The following SMCHD1 variants were observed in gnomAD, a reference collection of about 807,000 sequenced individuals.
The protein encoded by SMCHD1 is structural maintenance of chromosomes flexible hinge domain-containing protein 1.
Under a neutral mutation model 254.7 loss-of-function variants are expected in SMCHD1, and 78 were observed. That is an observed-to-expected ratio of 0.31 (90% CI 0.26 to 0.37). The LOEUF (loss-of-function observed/expected upper bound fraction) is 0.37. Among genes scored for constraint, SMCHD1 ranks in the 10% least tolerant of loss-of-function variants. The probability of loss-of-function intolerance (pLI) is 1.00; values close to 1 mark genes in which losing one functional copy is unlikely to be tolerated. For synonymous variants in SMCHD1, 766 were observed against 794.9 expected (o/e 0.96, Z 0.61); for missense variants, 1,840 against 2,408.1 (o/e 0.76, Z 4.94).
chr18:2,699,521 T>C (rs954297740), intron 10 of SMCHD1, among the ~76,000 whole-genome samples: 3 of 152,028 alleles, frequency 2.0e-5, no homozygotes, highest in Non-Finnish European at 4.4e-5. Context: ...TTGTATTTTA[T>C]TAGAGACAAG....
rs2143841866 is a variant in SMCHD1 at position 2,673,334 on chromosome 18, A to T, written c.478A>T (p.Ile160Phe). Residue 160 changes from isoleucine (I) to phenylalanine (F), a missense_variant, in exon 4 of 48, where the codon ATT becomes TTT. Around this residue, in one of 9 missense-constraint regions of SMCHD1, gnomAD observed 498 missense variants for 743.5 expected, o/e 0.67. Transcript: ENST00000320876. ...TTCATTGTCTGCTACTTCTCGTAACATTGGGGTTAGAAGAATACAGATCAA... is the reference window on the plus strand; with the variant it reads ...TTCATTGTCTGCTACTTCTCGTAACTTTGGGGTTAGAAGAATACAGATCAA... ...DNSLSATSRN[I>F]GVRRIQIKLL... is the part of the protein sequence containing the mutation. 6.3e-7 allele frequency: 1 copy of T among 1,583,968 alleles called. No homozygotes were observed. The highest frequency in any genetic ancestry group is 1.1e-5 in the South Asian group (1 of 87,532).
chr18:2,795,823 A>G, intron 45 of SMCHD1, 126 bp from the exon 46 acceptor site: 1 of 649,250 alleles, frequency 1.5e-6, no homozygotes. Flanking sequence ...TGAATGTTTT[A>G]TGGCTTTAAA....
intron 16 of SMCHD1, 56 bp from the exon 17 acceptor site, chr18:2,707,751 G>A (rs1026907852): frequency 6.7e-7 from 1 of 1,501,850 alleles, no homozygotes; most frequent in Non-Finnish European, 9.2e-7. Context: ...GGAAGATTTG[G>A]CAGATTCAGC....
chr18:2,749,042 G>A (rs1461449958), intron 30 of SMCHD1, among the ~76,000 whole-genome samples: 1 of 152,150 alleles, frequency 6.6e-6, no homozygotes, highest in Non-Finnish European at 1.5e-5. Flanking sequence ...TTTTAAATGA[G>A]TCTGTTAAAT....
chr18:2,786,421 G>GTGGCTCACACCTGTAATCCC (rs2076241311), intron 45 of SMCHD1, among the ~76,000 whole-genome samples: 1 of 152,156 alleles, frequency 6.6e-6, no homozygotes, highest in African/African-American at 2.4e-5. Flanking sequence ...GCTGGGCTTG[G>GTGGCTCACACCTGTAATCCC]TGGCTCACAC....
intron 21 of SMCHD1, among the ~76,000 whole-genome samples, chr18:2,725,239 T>C (rs2075003655): frequency 1.3e-5 from 2 of 152,046 alleles, no homozygotes; most frequent in Non-Finnish European, 2.9e-5. Context: ...CTCCCCGTTA[T>C]CTATACTTCA....
At chr18:2,774,176 A>C (rs1187118913) in intron 41 of SMCHD1, among the ~76,000 whole-genome samples, 1 of 152,136 alleles carries the variant, frequency 6.6e-6, no homozygotes, top group Non-Finnish European at 1.5e-5. Context: ...TGCCCTTCTA[A>C]ATAGGTTTTA....
chr18:2,681,403 A>AC (rs1476452078), intron 5 of SMCHD1, among the ~76,000 whole-genome samples: 1 of 79,038 alleles, frequency 1.3e-5, no homozygotes, highest in African/African-American at 4.1e-5. Context: ...ACAGAATGAG[A>AC]CCCCATCTCA....
chr18:2,765,004 A>G (rs1385306813), intron 37 of SMCHD1, among the ~76,000 whole-genome samples: 3 of 152,214 alleles, frequency 2.0e-5, no homozygotes, highest in Admixed American at 6.5e-5. Flanking sequence ...CATATTAGCA[A>G]CACTATATGT....
chr18:2,733,400 T>C (rs2075180713), intron 25 of SMCHD1, among the ~76,000 whole-genome samples: 1 of 152,192 alleles, frequency 6.6e-6, no homozygotes, highest in Non-Finnish European at 1.5e-5. Context: ...TATAATAATA[T>C]GGGAGGTTAC....
intron 45 of SMCHD1, among the ~76,000 whole-genome samples, chr18:2,785,857 G>T (rs919978852): frequency 1.3e-5 from 2 of 151,982 alleles, no homozygotes; most frequent in African/African-American, 4.8e-5. Context: ...TACAGAGTTT[G>T]TCCTTTTGTG....
chr18:2,681,877 C>G (rs1395491854), intron 5 of SMCHD1, among the ~76,000 whole-genome samples: 1 of 152,158 alleles, frequency 6.6e-6, no homozygotes, highest in Non-Finnish European at 1.5e-5. Flanking sequence ...AGTAAAAATG[C>G]TACATGACCC....
intron 37 of SMCHD1, among the ~76,000 whole-genome samples, chr18:2,765,688 C>T (rs760936418): frequency 5.3e-5 from 8 of 152,218 alleles, no homozygotes; most frequent in Non-Finnish European, 8.8e-5. Context: ...CTGCTCCTGT[C>T]AGTGTGTCTG....
chr18:2,761,617 G>A (rs972891633), intron 35 of SMCHD1, among the ~76,000 whole-genome samples: 4 of 152,160 alleles, frequency 2.6e-5, no homozygotes, highest in African/African-American at 9.7e-5. Flanking sequence ...AAGAGTTCAA[G>A]ACCAGCCTGG....
chr18:2,726,963 A>T (rs1391291157), intron 22 of SMCHD1: 2 of 153,578 alleles, frequency 1.3e-5, no homozygotes, highest in African/African-American at 4.8e-5. Context: ...GGCTAATTTG[A>T]GAGGTAGTCT....
At chr18:2,788,338 G>A (rs374525414) in intron 45 of SMCHD1, among the ~76,000 whole-genome samples, 25 of 152,258 alleles carry the variant, frequency 1.6e-4, no homozygotes, top group African/African-American at 5.1e-4. Flanking sequence ...ATGAATGATC[G>A]TATTTACTGC....
chr18:2,778,861 T>G (rs549929942), intron 44 of SMCHD1: 16 of 152,394 alleles, frequency 1.0e-4, no homozygotes, highest in African/African-American at 3.6e-4. Flanking sequence ...AACTTGATTA[T>G]CTCAGTAAAG....
intron 25 of SMCHD1, 64 bp from the exon 26 acceptor site, chr18:2,738,333 T>G (rs1474184600): frequency 3.7e-5 from 51 of 1,369,424 alleles, no homozygotes; most frequent in Admixed American, 5.5e-5. Context: ...AAGAGTAAGA[T>G]AAGTGGCAGT....
At chr18:2,690,002 A>C (rs557033555) in intron 7 of SMCHD1, among the ~76,000 whole-genome samples, 7 of 152,086 alleles carry the variant, frequency 4.6e-5, no homozygotes, top group Non-Finnish European at 8.8e-5. Context: ...GCGATAGAGC[A>C]AGACTGTCTC....
Sources: gnomAD v4.1 joint callset for allele counts (sites outside exome capture counted in the v4.1 genomes callset) on GRCh38, gnomAD v4.1.1 for gene constraint, gnomAD v4.1.1 regional missense constraint, MANE v1.5 for transcripts, NCBI Gene and HGNC (gene_info 2026-07-23, HGNC 2026-07-21) for gene names.